The following TIAM1 variants were observed in gnomAD, a reference collection of about 807,000 sequenced individuals.
TIAM1 encodes the protein rho guanine nucleotide exchange factor TIAM1.
A neutral mutation model predicts 163.5 loss-of-function variants in TIAM1; 65 were observed. The observed-to-expected ratio is 0.40, with a 90% CI of 0.33 to 0.49. TIAM1 has a LOEUF of 0.49. Among genes scored for constraint, TIAM1 ranks in the 20% least tolerant of loss-of-function variants. The pLI is 0.77. For synonymous variants in TIAM1, 833 were observed against 810.1 expected (o/e 1.03, Z -0.48); for missense variants, 1,789 against 2,044.7 (o/e 0.87, Z 2.41).
intron 8 of TIAM1, among the ~76,000 whole-genome samples, chr21:31,222,689 A>G (rs1006751303): frequency 2.3e-4 from 7 of 31,034 alleles, no homozygotes; most frequent in African/African-American, 1.1e-3. Flanking sequence ...ATATATATAT[A>G]TATATATATA....
At chr21:31,320,739 A>G (rs534015040) in intron 2 of TIAM1, among the ~76,000 whole-genome samples, 1 of 152,310 alleles carries the variant, frequency 6.6e-6, no homozygotes, top group East Asian at 1.9e-4. Flanking sequence ...CACGCCTGTA[A>G]TCCCAGCACT....
chr21:31,275,014 C>T (rs1015611753), intron 3 of TIAM1, among the ~76,000 whole-genome samples: 4 of 151,306 alleles, frequency 2.6e-5, no homozygotes, highest in Non-Finnish European at 2.9e-5. Flanking sequence ...CCCAGCTACT[C>T]GGGAGGCTGA....
At chr21:31,445,216 G>A (rs1033676768) in intron 2 of TIAM1, among the ~76,000 whole-genome samples, 3 of 151,978 alleles carry the variant, frequency 2.0e-5, no homozygotes, top group Admixed American at 6.6e-5. Flanking sequence ...AGCAACACAC[G>A]GAAACTCCAA....
intron 2 of TIAM1, among the ~76,000 whole-genome samples, chr21:31,400,847 T>C (rs1045064185): frequency 1.3e-5 from 2 of 151,750 alleles, no homozygotes; most frequent in Admixed American, 6.6e-5. Context: ...TCCCAGCACT[T>C]TGGGAGGCCG....
chr21:31,468,045 C>T (rs1252701090), intron 1 of TIAM1, among the ~76,000 whole-genome samples: 1 of 149,638 alleles, frequency 6.7e-6, no homozygotes, highest in African/African-American at 2.5e-5. Flanking sequence ...AGGATCATCA[C>T]ACCATTGCAC....
At position 31,405,886 on chromosome 21, in the gene TIAM1, G is replaced by C. The variant is rs575457698; in HGVS notation, c.-369+58097C>G. Among the ~76,000 whole-genome samples, 78 of 152,158 alleles carry C rather than the reference G, an allele frequency of 5.1e-4. 1 individual carries two copies. The highest frequency in any genetic ancestry group is 3.7e-3 in the South Asian group (18 of 4,822). ...GGGAGACATTTAAAAGTGATATTAA[G>C]AAAAGCAAAACCAAGTCAGAGTCTC... is the stretch of plus-strand genomic sequence containing the variant. On this transcript the variant is annotated intron_variant, in intron 2 of 28. Coordinates refer to the TIAM1 transcript ENST00000286827.
chr21:31,295,713 T>C (rs2074234162), intron 2 of TIAM1, among the ~76,000 whole-genome samples: 1 of 152,170 alleles, frequency 6.6e-6, no homozygotes, highest in African/African-American at 2.4e-5. Context: ...TGAGAGTCTC[T>C]ACAATTCAAT....
intron 1 of TIAM1, among the ~76,000 whole-genome samples, chr21:31,541,160 T>C (rs1229521611): frequency 6.6e-6 from 1 of 152,152 alleles, no homozygotes; most frequent in Non-Finnish European, 1.5e-5. Context: ...AAACAATATA[T>C]ACTTAAAGAA....
intron 2 of TIAM1, among the ~76,000 whole-genome samples, chr21:31,312,438 A>G (rs1336659751): frequency 6.6e-6 from 1 of 152,168 alleles, no homozygotes; most frequent in Admixed American, 6.5e-5. Context: ...ATGTAGTGGC[A>G]GATCCCTTAC....
chr21:31,266,984 C>A lies in TIAM1; in HGVS notation c.-11-1G>T. On this transcript the variant is annotated splice_acceptor_variant, in intron 3 of 27. Coordinates refer to ENST00000541036, the MANE Select transcript of TIAM1 (RefSeq NM_001353694.2). LOFTEE classifies it low-confidence loss of function (5UTR_SPLICE). ...TCTGCGTTTCCCATGGTTTTATGGT[C>A]TGCAGCAAAGCGGGGGGAAAGGGGA... The A allele has an allele frequency of 6.3e-7, 1 of 1,588,492 alleles. No homozygotes were observed. Among genetic ancestry groups the A allele is most frequent in the South Asian group, 1.1e-5 (1 of 87,766 alleles).
intron 15 of TIAM1, among the ~76,000 whole-genome samples, chr21:31,173,971 C>G (rs936632047): frequency 2.0e-5 from 3 of 152,148 alleles, no homozygotes; most frequent in Admixed American, 2.0e-4. Flanking sequence ...TGCTGTGTGA[C>G]AAGAAGCACA....
intron 2 of TIAM1, among the ~76,000 whole-genome samples, chr21:31,412,624 A>C (rs191657516): frequency 0.011 from 1,599 of 152,022 alleles, 16 homozygotes; most frequent in Non-Finnish European, 0.014. Context: ...TCTACTAAAA[A>C]TACAAAAATT....
At chr21:31,353,367 C>G (rs1044157834) in intron 2 of TIAM1, among the ~76,000 whole-genome samples, 2 of 152,214 alleles carry the variant, frequency 1.3e-5, no homozygotes, top group Non-Finnish European at 2.9e-5. Context: ...AATTGCGGGT[C>G]AGCCAGGAAT....
At chr21:31,237,672 T>C (rs2070964449) in intron 6 of TIAM1, among the ~76,000 whole-genome samples, 1 of 152,220 alleles carries the variant, frequency 6.6e-6, no homozygotes, top group Admixed American at 6.5e-5. Context: ...AGGCAATCAA[T>C]TCCTAGAGAT....
At chr21:31,337,582 A>C (rs1258788390) in intron 2 of TIAM1, among the ~76,000 whole-genome samples, 3 of 149,432 alleles carry the variant, frequency 2.0e-5, no homozygotes, top group African/African-American at 7.5e-5. Flanking sequence ...CCCAGGCTGG[A>C]GTGCGGTAGT....
At chr21:31,195,100 C>G in intron 13 of TIAM1, 124 bp downstream of exon 13, 1 of 672,004 alleles carries the variant, frequency 1.5e-6, no homozygotes, top group Non-Finnish European at 2.5e-6. Context: ...CTCCACAGAG[C>G]AGGAGCCAGA....
intron 1 of TIAM1, among the ~76,000 whole-genome samples, chr21:31,487,520 G>A (rs1486090596): frequency 2.3e-4 from 34 of 149,316 alleles, no homozygotes; most frequent in Middle Eastern, 3.5e-3. Context: ...ACAGGTGGCC[G>A]CCACCATGCC....
At chr21:31,453,021 G>A (rs2044929540) in intron 2 of TIAM1, 2 of 468,188 alleles carry the variant, frequency 4.3e-6, no homozygotes, top group Non-Finnish European at 8.5e-6. Flanking sequence ...AGATACACTG[G>A]ATCTTCTCAT....
chr21:31,396,764 C>CT (rs1254958414), intron 2 of TIAM1, among the ~76,000 whole-genome samples: 1 of 151,640 alleles, frequency 6.6e-6, no homozygotes, highest in Non-Finnish European at 1.5e-5. Flanking sequence ...AGCCTGGCTT[C>CT]ACATGGTGAA....
Sources: gnomAD v4.1 joint callset for allele counts (sites outside exome capture counted in the v4.1 genomes callset) on GRCh38, gnomAD v4.1.1 for gene constraint, MANE v1.5 for transcripts, NCBI Gene and HGNC (gene_info 2026-07-23, HGNC 2026-07-21) for gene names.